Variants in CSMD1 observed in about 807,000 individuals in gnomAD.
The protein encoded by CSMD1 is CUB and sushi domain-containing protein 1.
A neutral mutation model predicts 417.5 loss-of-function variants in CSMD1; 213 were observed. The observed-to-expected ratio is 0.51, with a 90% confidence interval of 0.46 to 0.57. The LOEUF is 0.57. Ranked by LOEUF, CSMD1 falls within the 20% of genes least tolerant of loss-of-function variation. The pLI is 0.00. For missense variants in CSMD1, 6,923 were observed against 4,529.7 expected (o/e 1.53, Z -15.17); for synonymous variants, 2,862 against 1,736.8 (o/e 1.65, Z -16.11).
At chr8:3,736,777 T>C (rs1796543822) in intron 6 of CSMD1, among the ~76,000 whole-genome samples, 1 of 152,214 alleles carries the variant, frequency 6.6e-6, no homozygotes, top group African/African-American at 2.4e-5. Context: ...TTGCCTCAGA[T>C]CCTCATCTGC....
chr8:3,941,444 T>G (rs1440637220), intron 5 of CSMD1, among the ~76,000 whole-genome samples: 1 of 152,140 alleles, frequency 6.6e-6, no homozygotes, highest in Non-Finnish European at 1.5e-5. Flanking sequence ...AAAATTTGAT[T>G]GATTCCTGAA....
At chr8:4,800,465 A>C (rs1798220659) in intron 1 of CSMD1, among the ~76,000 whole-genome samples, 1 of 152,084 alleles carries the variant, frequency 6.6e-6, no homozygotes, top group Non-Finnish European at 1.5e-5. Flanking sequence ...GGAAAATTAA[A>C]AATTAATCAC....
At chr8:3,109,432 T>C (rs1415138803) in intron 43 of CSMD1, among the ~76,000 whole-genome samples, 1 of 152,102 alleles carries the variant, frequency 6.6e-6, no homozygotes, top group Non-Finnish European at 1.5e-5. Context: ...AAATTCTGTT[T>C]CTCCTCACTC....
chr8:4,912,099 T>C (rs2117094118), intron 1 of CSMD1, among the ~76,000 whole-genome samples: 1 of 120,096 alleles, frequency 8.3e-6, no homozygotes, highest in South Asian at 2.8e-4. Context: ...GATCCTGTAC[T>C]TTTCTAGTGC....
At chr8:3,018,750 T>A in intron 51 of CSMD1, 100 bp from the exon 52 acceptor site, 1 of 1,110,200 alleles carries the variant, frequency 9.0e-7, no homozygotes, top group Non-Finnish European at 1.3e-6. Flanking sequence ...ACCAAAAAAC[T>A]ATTTTTAGTC....
chr8:4,683,523 T>G (rs1159458711), intron 1 of CSMD1, among the ~76,000 whole-genome samples: 2 of 152,184 alleles, frequency 1.3e-5, no homozygotes, highest in Non-Finnish European at 2.9e-5. Context: ...TGTAAGGGAT[T>G]GTGCCAGGAC....
chr8:3,205,294 G>C (rs1797191218), intron 31 of CSMD1, among the ~76,000 whole-genome samples: 1 of 152,152 alleles, frequency 6.6e-6, no homozygotes, highest in Non-Finnish European at 1.5e-5. Context: ...TAACCCTAGA[G>C]GGGACTGTGA....
chr8:4,374,023 T>A lies in CSMD1; in HGVS notation c.415+45930A>T, dbSNP rs929690237. ...ACTATGACAGAAATTAAGACAGAATTCTCAGTAAAAATACGTGATCAAATT... is the reference window on the plus strand; with the variant it reads ...ACTATGACAGAAATTAAGACAGAATACTCAGTAAAAATACGTGATCAAATT... On this transcript the variant is annotated intron_variant, in intron 3 of 69. Coordinates refer to ENST00000635120, the MANE Select transcript of CSMD1 (RefSeq NM_033225.6). Among the ~76,000 whole-genome samples the A allele has an allele frequency of 2.6e-5, 4 of 152,302 alleles. No individual in the cohort carries two copies. The East Asian group carries it at 7.7e-4, about 29-fold the overall frequency.
intron 3 of CSMD1, among the ~76,000 whole-genome samples, chr8:4,186,035 G>C (rs1878956): frequency 0.26 from 39,094 of 152,078 alleles, 6,429 homozygotes; most frequent in Non-Finnish European, 0.34. Context: ...TAGGTACATA[G>C]TGCCTGGGTG....
chr8:4,932,754 C>T (rs570722139), intron 1 of CSMD1, among the ~76,000 whole-genome samples: 1 of 152,280 alleles, frequency 6.6e-6, no homozygotes, highest in East Asian at 1.9e-4. Flanking sequence ...TAAAATAATC[C>T]AAGCTTACAC....
intron 2 of CSMD1, among the ~76,000 whole-genome samples, chr8:4,435,730 T>A (rs1798113172): frequency 6.6e-6 from 1 of 152,144 alleles, no homozygotes; most frequent in Admixed American, 6.5e-5. Flanking sequence ...TGCCTTGAGA[T>A]CTGTCTTGGC....
chr8:4,452,399 T>TA (rs1185494029), intron 2 of CSMD1, among the ~76,000 whole-genome samples: 5 of 152,232 alleles, frequency 3.3e-5, no homozygotes. Flanking sequence ...GGCTTGGGGT[T>TA]CAGAGGTTCA....
rs77536085 is a variant in CSMD1 at position 2,979,785 on chromosome 8, C to T, written c.8378-985G>A. Among the ~76,000 whole-genome samples the T allele has an allele frequency of 2.6e-3, 391 of 152,298 alleles. 3 individuals are homozygous for T. The highest frequency in any genetic ancestry group is 9.2e-3 in the African/African-American group (381 of 41,572). Reference sequence around the variant, plus strand: ...ATGTTCTATGCTTCCTAAAACACCCCTGAGTTTACAGAAGAAAGTCTTGAG... The same window carrying T: ...ATGTTCTATGCTTCCTAAAACACCCTTGAGTTTACAGAAGAAAGTCTTGAG... On this transcript the variant is annotated intron_variant, in intron 54 of 69. Coordinates refer to ENST00000635120, the MANE Select transcript of CSMD1 (RefSeq NM_033225.6).
At chr8:3,370,759 G>C (rs1434565163) in intron 18 of CSMD1, among the ~76,000 whole-genome samples, 1 of 152,172 alleles carries the variant, frequency 6.6e-6, no homozygotes, top group African/African-American at 2.4e-5. Context: ...TGGATCACCT[G>C]AGGTCAGGAG....
At chr8:4,932,684 G>C (rs1807325132) in intron 1 of CSMD1, among the ~76,000 whole-genome samples, 1 of 152,172 alleles carries the variant, frequency 6.6e-6, no homozygotes, top group Admixed American at 6.5e-5. Context: ...GAATGACACA[G>C]TAAATGCCAG....
chr8:3,649,768 T>C (rs1004850915), intron 7 of CSMD1, among the ~76,000 whole-genome samples: 6 of 152,154 alleles, frequency 3.9e-5, no homozygotes, highest in Non-Finnish European at 8.8e-5. Context: ...TCATCCATAA[T>C]ATTAAAATCA....
chr8:3,552,144 A>G lies in CSMD1; in HGVS notation c.1344+22801T>C, dbSNP rs1307068347. ...CATGGAGGCACTTTGAATTCATCCC[A>G]TCTTCTAAGAGAAAGAGGTGAGATT... On this transcript the variant is annotated intron_variant, in intron 10 of 69. Transcript: ENST00000635120. Among the ~76,000 whole-genome samples the G allele has an allele frequency of 2.6e-5, 4 of 152,236 alleles. No homozygotes were observed. In the East Asian group the frequency reaches 5.8e-4, roughly 22 times the overall value.
chr8:3,846,780 T>G (rs1351407135), intron 5 of CSMD1, among the ~76,000 whole-genome samples: 1 of 152,070 alleles, frequency 6.6e-6, no homozygotes, highest in Non-Finnish European at 1.5e-5. Context: ...TTCTAGCGAT[T>G]CTCCTGTCTC....
chr8:3,977,138 A>G (rs1043882517), intron 5 of CSMD1, among the ~76,000 whole-genome samples: 3 of 152,236 alleles, frequency 2.0e-5, no homozygotes, highest in Middle Eastern at 3.4e-3. Flanking sequence ...TGAAACTTTC[A>G]TGATGAACAT....
Sources: gnomAD v4.1 joint callset for allele counts (sites outside exome capture counted in the v4.1 genomes callset) on GRCh38, gnomAD v4.1.1 for gene constraint, MANE v1.5 for transcripts, NCBI Gene and HGNC (gene_info 2026-07-23, HGNC 2026-07-21) for gene names.